Variants in PTPRD observed in about 807,000 individuals in gnomAD.
PTPRD encodes the protein receptor-type tyrosine-protein phosphatase delta.
In PTPRD, 34 loss-of-function variants were observed where a neutral mutation model predicts 214.5. The ratio of observed to expected loss-of-function variants is 0.16; its 90% CI spans 0.12 to 0.21. The LOEUF is 0.21. Ranked by LOEUF, PTPRD falls within the 10% of genes least tolerant of loss-of-function variation. The probability of loss-of-function intolerance (pLI) is 1.00; values close to 1 mark genes in which losing one functional copy is unlikely to be tolerated. For synonymous variants in PTPRD, 1,128 were observed against 845.7 expected (o/e 1.33, Z -5.79); for missense variants, 2,545 against 2,398.7 (o/e 1.06, Z -1.27).
intron 3 of PTPRD, among the ~76,000 whole-genome samples, chr9:10,098,333 G>C (rs907336318): frequency 3.4e-5 from 5 of 147,164 alleles, no homozygotes; most frequent in Admixed American, 2.8e-4. Context: ...TCACACACCA[G>C]GGATGGTTGT....
chr9:10,031,625 CAT>C lies in PTPRD; in HGVS notation c.-472+2091_-472+2092del, dbSNP rs1171466919. On this transcript the variant is annotated intron_variant, in intron 4 of 45. Coordinates refer to ENST00000381196, the MANE Select transcript of PTPRD (RefSeq NM_002839.4). The stretch of plus-strand genomic sequence containing the variant: ...TACATTAATAATACTTAAAAAACTC[CAT>C]ATATATATATATATATATATACACA... 1.6e-3 allele frequency among the ~76,000 whole-genome samples: 141 copies of C among 87,282 alleles called. 2 individuals carry two copies. The highest frequency in any genetic ancestry group is 0.014 in the East Asian group (32 of 2,262). The allele number at this position is 87,282 out of a possible 152,430, so 57.3% of individuals were successfully genotyped here.
chr9:9,992,023 G>A (rs1321346393), intron 4 of PTPRD, among the ~76,000 whole-genome samples: 1 of 152,134 alleles, frequency 6.6e-6, no homozygotes, highest in Non-Finnish European at 1.5e-5. Flanking sequence ...GTCATTATAT[G>A]AAATGCCCAA....
intron 29 of PTPRD, 39 bp from the exon 30 acceptor site, chr9:8,484,417 C>G (rs2096953578): frequency 6.4e-7 from 1 of 1,571,076 alleles, no homozygotes; most frequent in Non-Finnish European, 8.6e-7. Flanking sequence ...ATCTGGTTAT[C>G]AGAGAGGCAA....
chr9:8,346,234 T>G (rs954504449), intron 39 of PTPRD, among the ~76,000 whole-genome samples: 1 of 152,060 alleles, frequency 6.6e-6, no homozygotes, highest in Non-Finnish European at 1.5e-5. Flanking sequence ...CAACTCCCCA[T>G]CAGTGGTGTG....
At chr9:10,118,033 A>C (rs2098744889) in intron 3 of PTPRD, among the ~76,000 whole-genome samples, 1 of 152,012 alleles carries the variant, frequency 6.6e-6, no homozygotes, top group Non-Finnish European at 1.5e-5. Context: ...ATGAATGTAT[A>C]TCACTTTCTT....
chr9:8,577,507 G>A (rs566951179), intron 14 of PTPRD, among the ~76,000 whole-genome samples: 143 of 152,108 alleles, frequency 9.4e-4, no homozygotes, highest in African/African-American at 3.4e-3. Context: ...CGCCTGCCTT[G>A]GCCTCCCAAA....
chr9:9,636,709 T>A lies in PTPRD; in HGVS notation c.-286-61928A>T, dbSNP rs76542150. Among the ~76,000 whole-genome samples the A allele has an allele frequency of 5.7e-3, 864 of 152,330 alleles. 5 individuals carry two copies. The highest frequency in any genetic ancestry group is 8.4e-3 in the Non-Finnish European group (574 of 68,022). On this transcript the variant is annotated intron_variant, in intron 7 of 45. Transcript: ENST00000381196. ...TGACCCAACAACAAAAGTGGCAGAA[T>A]AGAGAGAAAGATTTCAATATATTTA...
intron 3 of PTPRD, among the ~76,000 whole-genome samples, chr9:10,279,831 G>C (rs1055244364): frequency 8.6e-5 from 13 of 152,026 alleles, no homozygotes; most frequent in African/African-American, 2.7e-4. Flanking sequence ...GTCCTGAATT[G>C]ATACTTTCAT....
intron 2 of PTPRD, among the ~76,000 whole-genome samples, chr9:10,557,618 T>A (rs1405269180): frequency 2.6e-5 from 4 of 152,138 alleles, no homozygotes; most frequent in East Asian, 1.9e-4. Flanking sequence ...TTGAGTATAT[T>A]TCTGTGTTCC....
At chr9:9,460,825 T>C (rs2093590117) in intron 8 of PTPRD, among the ~76,000 whole-genome samples, 1 of 152,086 alleles carries the variant, frequency 6.6e-6, no homozygotes, top group Admixed American at 6.5e-5. Context: ...CTATTGGGTA[T>C]CTACCCAAAG....
chr9:10,611,165 A>C (rs1213977178), intron 2 of PTPRD, among the ~76,000 whole-genome samples: 1 of 152,176 alleles, frequency 6.6e-6, no homozygotes, highest in Non-Finnish European at 1.5e-5. Flanking sequence ...AAAGAAATTA[A>C]CAGTTAAAGA....
At chr9:8,722,734 C>T (rs1389204796) in intron 12 of PTPRD, among the ~76,000 whole-genome samples, 1 of 152,134 alleles carries the variant, frequency 6.6e-6, no homozygotes, top group Non-Finnish European at 1.5e-5. Context: ...CTATCTGCAG[C>T]TATGGATATT....
chr9:9,099,778 C>A (rs955076044), intron 10 of PTPRD, among the ~76,000 whole-genome samples: 1 of 152,066 alleles, frequency 6.6e-6, no homozygotes, highest in Non-Finnish European at 1.5e-5. Context: ...AACCAGACAC[C>A]AATTATCACC....
At chr9:9,105,612 CT>C (rs1427021954) in intron 10 of PTPRD, among the ~76,000 whole-genome samples, 1 of 152,126 alleles carries the variant, frequency 6.6e-6, no homozygotes, top group Non-Finnish European at 1.5e-5. Flanking sequence ...TTAGAGGTGA[CT>C]GAGTACTTCA....
intron 7 of PTPRD, among the ~76,000 whole-genome samples, chr9:9,720,250 TAC>T (rs1472874531): frequency 6.6e-6 from 1 of 152,188 alleles, no homozygotes; most frequent in African/African-American, 2.4e-5. Flanking sequence ...GGAAATAATT[TAC>T]ACTTATACTC....
At chr9:9,914,075 A>G (rs762318374) in intron 5 of PTPRD, among the ~76,000 whole-genome samples, 2 of 152,212 alleles carry the variant, frequency 1.3e-5, no homozygotes, top group Non-Finnish European at 2.9e-5. Flanking sequence ...CTAGCCAGAT[A>G]AATAATCTTA....
In PTPRD at chr9:8,485,986, A is replaced by G. The variant is rs2096996215; in HGVS notation, c.2831T>C (p.Leu944Pro). The G allele has an allele frequency of 1.2e-6, 2 of 1,614,092 alleles. No homozygotes were observed. The highest frequency in any genetic ancestry group is 1.1e-5 in the South Asian group (1 of 91,084). ...GGTGATAATGCCATTTCTCTCTGCC[A>G]GGACAGGTGGTTGCCAAGATAACTG... is the stretch of plus-strand genomic sequence containing the variant. Reference protein sequence around the residue: ...SVQLSWQPPVLAERNGIITKY... With the variant: ...SVQLSWQPPVPAERNGIITKY... Residue 944 changes from leucine to proline, a missense_variant, in exon 28 of 46, where the codon CTG (leucine) becomes CCG (proline). Leu to Pro is a moderately conservative substitution (Grantham distance 98, BLOSUM62 -3). Transcript: ENST00000381196.
chr9:10,523,599 C>CTGTATATATATATATATATATATA (rs1340469042), intron 2 of PTPRD, among the ~76,000 whole-genome samples: 2 of 3,920 alleles, frequency 5.1e-4, no homozygotes, highest in Admixed American at 3.6e-3. Context: ...GTATATTTAT[C>CTGTATATATATATATATATATATA]TGTATATATA....
At chr9:9,733,755 C>G (rs1034441760) in intron 7 of PTPRD, among the ~76,000 whole-genome samples, 44 of 152,080 alleles carry the variant, frequency 2.9e-4, no homozygotes, top group Non-Finnish European at 4.4e-5. Context: ...AGTCTACACA[C>G]GTATCTAAGC....
Sources: allele counts gnomAD v4.1 joint callset (sites outside exome capture counted in the v4.1 genomes callset), GRCh38; gene constraint gnomAD v4.1.1; transcripts MANE v1.5; gene names NCBI Gene and HGNC (gene_info 2026-07-23, HGNC 2026-07-21).